The following HSP90AA1 variants were observed in gnomAD, a reference collection of about 807,000 sequenced individuals.
The protein encoded by HSP90AA1 is heat shock protein HSP 90-alpha.
Under a neutral mutation model 73.3 loss-of-function variants are expected in HSP90AA1, and 18 were observed. The observed-to-expected ratio is 0.25, with a 90% CI of 0.17 to 0.36. The LOEUF (loss-of-function observed/expected upper bound fraction) is 0.36, where lower values mean the gene tolerates loss of function less well. Among genes scored for constraint, HSP90AA1 ranks in the 10% least tolerant of loss-of-function variants. HSP90AA1 has a pLI of 1.00. For missense variants in HSP90AA1, 704 were observed against 874.2 expected, an observed-to-expected ratio of 0.81 and a Z score of 2.45; for synonymous variants, 477 against 296.9, an observed-to-expected ratio of 1.61 and a Z score of -6.24.
chr14:102,086,490 T>G (rs2049238814), intron 1 of HSP90AA1, 112 bp from the exon 2 acceptor site: 4 of 1,254,648 alleles, frequency 3.2e-6, no homozygotes, highest in Admixed American at 3.4e-5. Flanking sequence ...TTTGCGAAGT[T>G]TAAGTAAACC....
chr14:102,083,004 C>G, intron 9 of HSP90AA1, 30 bp downstream of exon 9: 1 of 1,604,582 alleles, frequency 6.2e-7, no homozygotes, highest in Non-Finnish European at 8.5e-7. Flanking sequence ...TTAGAAGTAT[C>G]AATGATCAGG....
chr14:102,086,412 A>G (rs760649050), intron 1 of HSP90AA1, 34 bp from the exon 2 acceptor site: 1 of 1,613,628 alleles, frequency 6.2e-7, no homozygotes, highest in East Asian at 2.2e-5. Context: ...AAAACCTTGC[A>G]GGACGTCTAC....
At chr14:102,117,565 C>T (rs1275911685) in intron 1 of HSP90AA1, among the ~76,000 whole-genome samples, 4 of 152,056 alleles carry the variant, frequency 2.6e-5, no homozygotes, top group Non-Finnish European at 5.9e-5. Flanking sequence ...TGAACACCCC[C>T]CAGCTGCAGA....
chr14:102,084,055 T>G (rs1478455744), intron 6 of HSP90AA1, 72 bp from the exon 7 acceptor site: 1 of 1,153,566 alleles, frequency 8.7e-7, no homozygotes, highest in Middle Eastern at 1.9e-4. Context: ...ACTCCCAAAA[T>G]CAAAGATAAC....
intron 2 of HSP90AA1, among the ~76,000 whole-genome samples, chr14:102,100,165 G>C (rs1402243483): frequency 6.6e-6 from 1 of 152,116 alleles, no homozygotes; most frequent in Non-Finnish European, 1.5e-5. Flanking sequence ...TCCAGCCTGG[G>C]TAGCAGAGCA....
At position 102,086,576 on chromosome 14, in the gene HSP90AA1, C is replaced by A. The variant is rs554140652; in HGVS notation, c.1-198G>T. ...ACTACCACGAGCGTGTGCGCGCTTC[C>A]GGGAGGCCGCCGCAGGCCCGGGCCC... On this transcript the variant is annotated intron_variant, in intron 1 of 10. Coordinates refer to ENST00000216281, the MANE Select transcript of HSP90AA1 (RefSeq NM_005348.4). 4.0e-4 allele frequency among the ~76,000 whole-genome samples: 61 copies of A among 152,116 alleles called. No homozygotes were observed. The East Asian group carries it at 9.3e-3, about 23-fold the overall frequency.
chr14:102,114,689 T>C (rs1411538990), intron 1 of HSP90AA1, among the ~76,000 whole-genome samples: 1 of 152,168 alleles, frequency 6.6e-6, no homozygotes, highest in African/African-American at 2.4e-5. Context: ...TAATTTGGCC[T>C]AGTATTCCCT....
chr14:102,117,141 A>AG (rs1386623500), intron 1 of HSP90AA1, among the ~76,000 whole-genome samples: 1 of 152,138 alleles, frequency 6.6e-6, no homozygotes, highest in African/African-American at 2.4e-5. Context: ...AGAGACGCCA[A>AG]GGGGGGTGCT....
At chr14:102,128,630 GAAA>G (rs34691938) in intron 1 of HSP90AA1, among the ~76,000 whole-genome samples, 1 of 107,024 alleles carries the variant, frequency 9.3e-6, no homozygotes, top group African/African-American at 3.6e-5. Flanking sequence ...CTCCGTCTCG[GAAA>G]AAAAAAAAAA....
Position 102,083,646 on chromosome 14 carries a change from C to T in HSP90AA1, c.1386G>A (p.Leu462=), listed in dbSNP as rs34913441. Residue 462 remains leucine, a synonymous_variant, in exon 8 of 11, where the codon CTG becomes CTA. Transcript: ENST00000216281. ...CAGAGGCAGATGTGTAGTACCTTAA[C>T]AGCTCTGAAAGCTTCTTCCGATTTT... ...DSQNRKKLSE[L]LRYYTSASGD... 1,863 of 1,612,894 alleles carry T rather than the reference C, an allele frequency of 1.2e-3. 17 individuals carry two copies. In the African/African-American group the frequency reaches 0.021, roughly 18 times the overall value.
intron 1 of HSP90AA1, among the ~76,000 whole-genome samples, chr14:102,126,461 G>A (rs1246850077): frequency 1.3e-5 from 2 of 152,122 alleles, no homozygotes; most frequent in Admixed American, 6.6e-5. Context: ...AAAAAGAATG[G>A]CTCCTCCTCT....
In HSP90AA1 at chr14:102,083,109, C is replaced by T; in HGVS notation, c.1680G>A (p.Lys560=). ...ELPEDEEEKK[K]QEEKKTKFEN... ...CAAACTTTGTTTTTTTCTCTTCCTGCTTCTTTTTCTCTTCTTCATCCTCTG... is the reference window on the plus strand; with the variant it reads ...CAAACTTTGTTTTTTTCTCTTCCTGTTTCTTTTTCTCTTCTTCATCCTCTG... Residue 560 remains lysine (K), a synonymous_variant, in exon 9 of 11, where the codon AAG becomes AAA. Coordinates refer to ENST00000216281, the MANE Select transcript of HSP90AA1 (RefSeq NM_005348.4). The T allele has an allele frequency of 6.2e-7, 1 of 1,613,788 alleles. No individual in the cohort carries two copies. The highest frequency in any genetic ancestry group is 1.3e-5 in the African/African-American group (1 of 75,002).
At chr14:102,134,801 A>T (rs559703499) in intron 1 of HSP90AA1, among the ~76,000 whole-genome samples, 1 of 152,254 alleles carries the variant, frequency 6.6e-6, no homozygotes, top group African/African-American at 2.4e-5. Context: ...AGAAAGAACA[A>T]AGCTTCTACA....
chr14:102,087,521 C>T (rs1049601051), upstream of HSP90AA1, among the ~76,000 whole-genome samples: 1 of 151,910 alleles, frequency 6.6e-6, no homozygotes, highest in Non-Finnish European at 1.5e-5. Context: ...GGACGGAGAG[C>T]GGCCCGGGTC....
At chr14:102,116,416 T>C (rs1404861218) in intron 1 of HSP90AA1, among the ~76,000 whole-genome samples, 1 of 152,210 alleles carries the variant, frequency 6.6e-6, no homozygotes, top group East Asian at 1.9e-4. Flanking sequence ...ATCATGGCAG[T>C]GGCCACTGCA....
chr14:102,088,173 C>G (rs889248056), upstream of HSP90AA1, among the ~76,000 whole-genome samples: 1 of 152,066 alleles, frequency 6.6e-6, no homozygotes, highest in Non-Finnish European at 1.5e-5. Context: ...CCATGTTGCC[C>G]AGGCTGGAAA....
At position 102,133,566 on chromosome 14, in the gene HSP90AA1, C is replaced by T. The variant is rs182052028; in HGVS notation, c.155+5684G>A. On this transcript the variant is annotated intron_variant, in intron 1 of 11. Transcript: ENST00000334701. ...TGGCGTGATCTCGGCTCACTGCAAC[C>T]TCCGCCTCCCAGGTTCAAGTGATTC... Among the ~76,000 whole-genome samples the T allele has an allele frequency of 2.9e-3, 434 of 151,030 alleles. 4 individuals carry two copies. The highest frequency in any genetic ancestry group is 0.01 in the African/African-American group (412 of 41,170).
intron 5 of HSP90AA1, 31 bp from the exon 6 acceptor site, chr14:102,084,595 T>C (rs1595657104): frequency 1.2e-6 from 2 of 1,614,174 alleles, no homozygotes; most frequent in East Asian, 2.2e-5. Flanking sequence ...TAAGTACCAA[T>C]GAACAATGCA....
chr14:102,097,540 C>T (rs1431782152), intron 2 of HSP90AA1, among the ~76,000 whole-genome samples: 2 of 152,140 alleles, frequency 1.3e-5, no homozygotes, highest in Non-Finnish European at 2.9e-5. Context: ...AGAGCAGAGG[C>T]CTTTGAGTCC....
Sources: gnomAD v4.1 joint callset for allele counts (sites outside exome capture counted in the v4.1 genomes callset) on GRCh38, gnomAD v4.1.1 for gene constraint, MANE v1.5 for transcripts, NCBI Gene and HGNC (gene_info 2026-07-23, HGNC 2026-07-21) for gene names.